The following SLITRK1 variants were observed in gnomAD, a reference collection of about 807,000 sequenced individuals.
The protein encoded by SLITRK1 is SLIT and NTRK-like protein 1.
Under a neutral mutation model 42.4 loss-of-function variants are expected in SLITRK1, and 10 were observed. That is an observed-to-expected ratio of 0.24 (90% confidence interval 0.15 to 0.40). The LOEUF (loss-of-function observed/expected upper bound fraction) is 0.40, where lower values mean the gene tolerates loss of function less well. Ranked by LOEUF, SLITRK1 falls within the 10% of genes least tolerant of loss-of-function variation. The pLI is 1.00. For missense variants in SLITRK1, 778 were observed against 848.8 expected, an observed-to-expected ratio of 0.92 and a Z score of 1.04; for synonymous variants, 389 against 365.7, an observed-to-expected ratio of 1.06 and a Z score of -0.73.
rs753451536 is a variant in SLITRK1, at chr13:83,880,392, G to C, written c.1116C>G (p.Pro372=). Residue 372 remains proline (P), a synonymous_variant, in exon 2 of 2, where the codon CCC becomes CCG. Coordinates refer to ENST00000674365, the MANE Select transcript of SLITRK1 (RefSeq NM_001281503.2). ...AAAGCTCCTGCACGTTAGAGAGCTT[G>C]GGCTTCAAATCAGCCAAGCTGCTCA... ...RNVSSLADLK[P]KLSNVQELFL... The C allele has an allele frequency of 6.2e-7, 1 of 1,613,872 alleles. No individual in the cohort carries two copies. Among genetic ancestry groups the C allele is most frequent in the South Asian group, 1.1e-5 (1 of 91,072 alleles).
chr13:83,882,331 CGGAATTACGT>C lies in SLITRK1; in HGVS notation c.-391_-382del. ...TCTCCTTCTCTTTCTTCTGCTCTTT[CGGAATTACGT>C]GGAGGGGGGCGGAGGGCGGGGGGCG... On this transcript the variant is annotated 5_prime_UTR_variant, in exon 1 of 2. Transcript: ENST00000674365. 7.2e-6 allele frequency: 1 copy of C among 139,150 alleles called. No homozygotes were observed. Among genetic ancestry groups the C allele is most frequent in the Non-Finnish European group, 1.6e-5 (1 of 64,058 alleles). 8.6% of individuals were successfully genotyped at this position (139,150 alleles called of 1,614,324 possible). A position where few individuals can be genotyped will look rare whatever the true frequency, so the allele number is the denominator to read the frequency against.
At position 83,879,563 on chromosome 13, in the gene SLITRK1, A is replaced by G; in HGVS notation, c.1945T>C (p.Ser649Pro). 1 of 1,613,882 alleles carries G rather than the reference A, an allele frequency of 6.2e-7. No homozygotes were observed. Among genetic ancestry groups the G allele is most frequent in the South Asian group, 1.1e-5 (1 of 91,052 alleles). Reference protein sequence around the residue: ...LVFILRNRKRSKRRDANSSAS... With the variant: ...LVFILRNRKRPKRRDANSSAS... ...GAGGAGTTGGCATCTCGTCTCTTGG[A>G]CCGCTTTCGGTTCCTCAGGATAAAC... The change falls in exon 2 of 2, where the codon TCC (serine) becomes CCC (proline). Residue 649 changes from serine (S) to proline (P), a missense_variant. Around this residue, in one of 4 missense-constraint regions of SLITRK1, gnomAD observed 164 missense variants for 158.2 expected, o/e 1.04. Coordinates refer to ENST00000674365, the MANE Select transcript of SLITRK1 (RefSeq NM_001281503.2).
rs1217496003 is a variant in SLITRK1 at position 83,879,939 on chromosome 13, C to T, written c.1569G>A (p.Gln523=). 5.0e-6 allele frequency: 8 copies of T among 1,614,082 alleles called. No homozygotes were observed. Among genetic ancestry groups the T allele is most frequent in the Non-Finnish European group, 6.8e-6 (8 of 1,180,038 alleles). The change falls in exon 2 of 2, where the codon CAG becomes CAA. Residue 523 remains glutamine (Q), a synonymous_variant. Coordinates refer to ENST00000674365, the MANE Select transcript of SLITRK1 (RefSeq NM_001281503.2). ...CCCAGGGGTTTCCGTGGAGGTCTAT[C>T]TGGATGATGGAGGTTAACTGGTCCA... ...GVLDQLTSII[Q]IDLHGNPWEC... is the part of the protein sequence containing the mutation.
In SLITRK1 at chr13:83,880,905, G is replaced by C; in HGVS notation, c.603C>G (p.Ile201Met). The change falls in exon 2 of 2, where the codon ATC (isoleucine) becomes ATG (methionine). Residue 201 changes from isoleucine to methionine, a missense_variant. Ile to Met is a conservative substitution (Grantham distance 10, BLOSUM62 1). Transcript: ENST00000674365. ...TLPYEEVLEQ[I>M]PGIAEILLED... ...CTAGCAGGATCTCCGCAATACCAGG[G>C]ATTTGCTCCAAGACCTCCTCATAGG... The C allele has an allele frequency of 1.2e-6, 2 of 1,614,078 alleles. No homozygotes were observed. Among genetic ancestry groups the C allele is most frequent in the South Asian group, 2.2e-5 (2 of 91,058 alleles).
Position 83,881,417 on chromosome 13 carries a change from A to G in SLITRK1, c.91T>C (p.Cys31Arg). The G allele has an allele frequency of 6.2e-7, 1 of 1,613,962 alleles. No individual in the cohort carries two copies. Residue 31 changes from cysteine to arginine, a missense_variant, in exon 2 of 2, where the codon TGC (cysteine) becomes CGC (arginine). Transcript: ENST00000674365. ...TGTAGGTCCCCTTCTATCTCATTGC[A>G]GGAACAGATCTTCTCTTTGCAAACG... is the stretch of plus-strand genomic sequence containing the variant. ...GDVCKEKICS[C>R]NEIEGDLHVD...
chr13:83,880,484 G>A lies in SLITRK1; in HGVS notation c.1024C>T (p.Pro342Ser), dbSNP rs905773348. ...NKPLANSLPC[P>S]GGCSCDHIPG... ...ATGTGGTCGCAGCTGCAGCCCCCAGGGCAGGGTAAACTGTTAGCTAAGGGT... is the reference window on the plus strand; with the variant it reads ...ATGTGGTCGCAGCTGCAGCCCCCAGAGCAGGGTAAACTGTTAGCTAAGGGT... The change falls in exon 2 of 2, where the codon CCT becomes TCT. Residue 342 changes from proline (P) to serine (S), a missense_variant. By Grantham distance (74) the Pro-to-Ser change is moderately conservative. Around this residue, in one of 4 missense-constraint regions of SLITRK1, gnomAD observed 395 missense variants for 360.4 expected, o/e 1.10. Transcript: ENST00000674365. The A allele has an allele frequency of 3.7e-6, 6 of 1,613,834 alleles. No individual in the cohort carries two copies. The highest frequency in any genetic ancestry group is 3.3e-5 in the Admixed American group (2 of 59,994).
rs1254595629 is a variant in SLITRK1 at position 83,879,650 on chromosome 13, A to G, written c.1858T>C (p.Leu620=). 11 of 1,612,414 alleles carry G rather than the reference A, an allele frequency of 6.8e-6. No individual in the cohort carries two copies. The highest frequency in any genetic ancestry group is 8.5e-6 in the Non-Finnish European group (10 of 1,179,440). ...AACACCAGCAGCAGTCCCGGGACCA[A>G]CACCGAGATGGACACCCTGCTGGTG... is the stretch of plus-strand genomic sequence containing the variant. ...LDTSRVSISV[L]VPGLLLVFVT... is the part of the protein sequence containing the mutation. Residue 620 remains leucine, a synonymous_variant, in exon 2 of 2, where the codon TTG becomes CTG. Transcript: ENST00000674365.
rs1369157300 is a variant in SLITRK1, at chr13:83,877,356, G to A, written c.*2061C>T. Reference sequence around the variant, plus strand: ...ACTGCTCTGAGGTCTTTCACTAGCTGATTTATAATCCTATATTAAAAAAAA... The same window carrying A: ...ACTGCTCTGAGGTCTTTCACTAGCTAATTTATAATCCTATATTAAAAAAAA... On this transcript the variant is annotated 3_prime_UTR_variant, in exon 2 of 2. Transcript: ENST00000674365. 2 of 137,832 alleles carry A rather than the reference G, an allele frequency of 1.5e-5. No homozygotes were observed. The allele number at this position is 137,832 out of a possible 1,614,324, so 8.5% of individuals were successfully genotyped here.
Position 83,879,974 on chromosome 13 carries a change from C to G in SLITRK1, c.1534G>C (p.Ala512Pro). 1 of 1,614,044 alleles carries G rather than the reference C, an allele frequency of 6.2e-7. No homozygotes were observed. Among genetic ancestry groups the G allele is most frequent in the Non-Finnish European group, 8.5e-7 (1 of 1,180,014 alleles). The change falls in exon 2 of 2, where the codon GCA (alanine) becomes CCA (proline). Residue 512 changes from alanine (A) to proline (P), a missense_variant. Coordinates refer to ENST00000674365, the MANE Select transcript of SLITRK1 (RefSeq NM_001281503.2). ...HNNYFMYLPV[A>P]GVLDQLTSII... ...GAGGTTAACTGGTCCAGCACCCCTG[C>G]CACCGGGAGGTACATGAAGTAATTG...
rs771177138 is a variant in SLITRK1, at chr13:83,881,751, G to GAAAAAA, written c.-53-197_-53-192dup. 114 of 106,314 alleles carry GAAAAAA rather than the reference G, an allele frequency of 1.1e-3. 1 individual carries two copies. The highest frequency in any genetic ancestry group is 2.5e-3 in the East Asian group (9 of 3,592). 6.6% of individuals were successfully genotyped at this position (106,314 alleles called of 1,614,324 possible). On this transcript the variant is annotated intron_variant, in intron 1 of 1. Coordinates refer to ENST00000674365, the MANE Select transcript of SLITRK1 (RefSeq NM_001281503.2). ...AGGCACGTAGTGCAAGGCAAGCAAA[G>GAAAAAA]AAAAAAAAAAAAAAAAAAAAGTAGG... is the stretch of plus-strand genomic sequence containing the variant.
Position 83,879,796 on chromosome 13 carries a change from A to G in SLITRK1, c.1712T>C (p.Leu571Pro), listed in dbSNP as rs1566298480. 31 of 1,613,940 alleles carry G rather than the reference A, an allele frequency of 1.9e-5. No homozygotes were observed. The highest frequency in any genetic ancestry group is 2.6e-5 in the Non-Finnish European group (31 of 1,179,992). The part of the protein sequence containing the change: ...PVNFFRKDFM[L>P]LSNDEICPQL... ...AGGGCAGATCTCGTCATTGGAGAGG[A>G]GCATGAAATCCTTTCTAAAGAAGTT... Residue 571 changes from leucine to proline, a missense_variant, in exon 2 of 2, where the codon CTC (leucine) becomes CCC (proline). Physicochemically the swap from Leu to Pro is moderately conservative, Grantham distance 98. Transcript: ENST00000674365.
chr13:83,879,082 G>A lies in SLITRK1; in HGVS notation c.*335C>T, dbSNP rs746147588. 1 of 390,238 alleles carries A rather than the reference G, an allele frequency of 2.6e-6. No individual in the cohort carries two copies. The highest frequency in any genetic ancestry group is 4.9e-6 in the Non-Finnish European group (1 of 205,120). 24.2% of individuals were successfully genotyped at this position (390,238 alleles called of 1,614,324 possible). On this transcript the variant is annotated 3_prime_UTR_variant, in exon 2 of 2. Transcript: ENST00000674365. ...TATATGTATATATGTATAGAACCGC[G>A]GCATCCAACCCCACAGGCCCCGGGG...
In SLITRK1 at chr13:83,879,517, A is replaced by G; in HGVS notation, c.1991T>C (p.Leu664Pro). 1 of 1,614,108 alleles carries G rather than the reference A, an allele frequency of 6.2e-7. No individual in the cohort carries two copies. Among genetic ancestry groups the G allele is most frequent in the Non-Finnish European group, 8.5e-7 (1 of 1,180,016 alleles). Residue 664 changes from leucine (L) to proline (P), a missense_variant, in exon 2 of 2, where the codon CTA (leucine) becomes CCA (proline). Leu to Pro is a moderately conservative substitution (Grantham distance 98). Coordinates refer to ENST00000674365, the MANE Select transcript of SLITRK1 (RefSeq NM_001281503.2). ...ANSSASEINS[L>P]QTVCDSSYWH... The stretch of plus-strand genomic sequence containing the variant: ...GTAGGAAGAGTCACAGACTGTCTGT[A>G]GGGAATTAATCTCGGACGCGGAGGA...
At position 83,881,504 on chromosome 13, in the gene SLITRK1, G is replaced by A. The variant is rs979849393; in HGVS notation, c.4C>T (p.Leu2=). 6.2e-7 allele frequency: 1 copy of A among 1,613,898 alleles called. No individual in the cohort carries two copies. The highest frequency in any genetic ancestry group is 8.5e-7 in the Non-Finnish European group (1 of 1,180,000). ...GTCTCCAGCAACAGAATCCAAAGCA[G>A]CATTTTTAAAGCGAGCAATTCATCC... The part of the protein sequence containing the change: M[L]LWILLLETSL... The change falls in exon 2 of 2, where the codon CTG becomes TTG. Residue 2 remains leucine (L), a synonymous_variant. Coordinates refer to ENST00000674365, the MANE Select transcript of SLITRK1 (RefSeq NM_001281503.2).
At position 83,879,379 on chromosome 13, in the gene SLITRK1, T is replaced by A. The variant is rs1408482858; in HGVS notation, c.*38A>T. 9.3e-6 allele frequency: 15 copies of A among 1,607,796 alleles called. No homozygotes were observed. Among genetic ancestry groups the A allele is most frequent in the Non-Finnish European group, 1.3e-5 (15 of 1,178,660 alleles). On this transcript the variant is annotated 3_prime_UTR_variant, in exon 2 of 2. Coordinates refer to ENST00000674365, the MANE Select transcript of SLITRK1 (RefSeq NM_001281503.2). Reference sequence around the variant, plus strand: ...GGTGCCTGCGGTGGGGAAGGATGTATCGCCTTCCCTCTGCCCTCCCCTATT... The same window carrying A: ...GGTGCCTGCGGTGGGGAAGGATGTAACGCCTTCCCTCTGCCCTCCCCTATT...
chr13:83,881,643 G>C, intron 1 of SLITRK1, 83 bp from the exon 2 acceptor site: 2 of 915,582 alleles, frequency 2.2e-6, no homozygotes, highest in Non-Finnish European at 3.4e-6. Context: ...GTTTGGGGGG[G>C]TGGGGGTGGA....
In SLITRK1 at chr13:83,880,354, T is replaced by C. The variant is rs1472728808; in HGVS notation, c.1154A>G (p.Asn385Ser). ...CGATTTTCGGATGCTGTGGATCTTG[T>C]TATCTCGTAGGAAAAGCTCCTGCAC... The part of the protein sequence containing the change: ...SNVQELFLRD[N>S]KIHSIRKSHF... The change falls in exon 2 of 2, where the codon AAC (asparagine) becomes AGC (serine). Residue 385 changes from asparagine to serine, a missense_variant. Physicochemically the swap from Asn to Ser is conservative, Grantham distance 46 (BLOSUM62 1). This residue lies in a region of SLITRK1 where 395 missense variants were observed against 360.4 expected (regional missense o/e 1.10). Transcript: ENST00000674365. 19 of 1,613,818 alleles carry C rather than the reference T, an allele frequency of 1.2e-5. No individual in the cohort carries two copies. Among genetic ancestry groups the C allele is most frequent in the Non-Finnish European group, 1.4e-5 (17 of 1,180,028 alleles).
rs886528117 is a variant in SLITRK1, at chr13:83,878,552, A to G, written c.*865T>C. On this transcript the variant is annotated 3_prime_UTR_variant, in exon 2 of 2. Coordinates refer to ENST00000674365, the MANE Select transcript of SLITRK1 (RefSeq NM_001281503.2). ...TTAAAAAAAAGACCCCCTGAAAAAA[A>G]TAAAATAAAATAAAACATCACCATC... The G allele has an allele frequency of 2.6e-5, 4 of 151,614 alleles. No individual in the cohort carries two copies. The highest frequency in any genetic ancestry group is 5.9e-5 in the Non-Finnish European group (4 of 68,042). 9.4% of individuals were successfully genotyped at this position (151,614 alleles called of 1,614,324 possible). A position where few individuals can be genotyped will look rare whatever the true frequency, so the allele number is the denominator to read the frequency against.
Position 83,881,241 on chromosome 13 carries a change from C to T in SLITRK1, c.267G>A (p.Met89Ile). The T allele has an allele frequency of 6.2e-7, 1 of 1,614,134 alleles. No homozygotes were observed. The highest frequency in any genetic ancestry group is 1.1e-5 in the South Asian group (1 of 91,084). Reference protein sequence around the residue: ...ANFYNAVSLHMENNGLHEIVP... With the variant: ...ANFYNAVSLHIENNGLHEIVP... ...CGATTTCATGCAAGCCATTGTTTTCCATGTGCAAACTAACCGCATTATAAA... is the reference window on the plus strand; with the variant it reads ...CGATTTCATGCAAGCCATTGTTTTCTATGTGCAAACTAACCGCATTATAAA... The change falls in exon 2 of 2, where the codon ATG becomes ATA. Residue 89 changes from methionine to isoleucine, a missense_variant. Physicochemically the swap from Met to Ile is conservative, Grantham distance 10. Around this residue, in one of 4 missense-constraint regions of SLITRK1, gnomAD observed 204 missense variants for 295.3 expected, o/e 0.69. Transcript: ENST00000674365.
Sources: gnomAD v4.1 joint callset for allele counts on GRCh38, gnomAD v4.1.1 for gene constraint, gnomAD v4.1.1 regional missense constraint, MANE v1.5 for transcripts, NCBI Gene and HGNC (gene_info 2026-07-23, HGNC 2026-07-21) for gene names.